Variants in SIPA1L1 observed in about 807,000 individuals in gnomAD.
SIPA1L1 encodes the protein signal induced proliferation associated 1 like 1.
Under a neutral mutation model 162.7 loss-of-function variants are expected in SIPA1L1, and 26 were observed. The ratio of observed to expected loss-of-function variants is 0.16; its 90% CI spans 0.12 to 0.22. The LOEUF is 0.22. SIPA1L1 is among the 10% of genes least tolerant of loss of function. The pLI is 1.00. For synonymous variants in SIPA1L1, 829 were observed against 837.4 expected, an observed-to-expected ratio of 0.99 and a Z score of 0.17; for missense variants, 1,874 against 2,241.0, an observed-to-expected ratio of 0.84 and a Z score of 3.31.
At chr14:71,672,834 A>G (rs942810589) in intron 12 of SIPA1L1, among the ~76,000 whole-genome samples, 1 of 152,226 alleles carries the variant, frequency 6.6e-6, no homozygotes, top group African/African-American at 2.4e-5. Context: ...AAATGGGACC[A>G]TTCCCAGGAT....
At chr14:71,323,451 C>G (rs1594805130) in intron 2 of SIPA1L1, among the ~76,000 whole-genome samples, 1 of 152,022 alleles carries the variant, frequency 6.6e-6, no homozygotes. Context: ...CAGTCCTTAC[C>G]GTTGTATTAT....
intron 2 of SIPA1L1, among the ~76,000 whole-genome samples, chr14:71,500,947 G>A (rs1002600200): frequency 2.6e-5 from 4 of 152,138 alleles, no homozygotes; most frequent in Non-Finnish European, 5.9e-5. Context: ...CAGAGGTTGC[G>A]GTGACCCGAG....
At position 71,406,271 on chromosome 14, in the gene SIPA1L1, T is replaced by C. The variant is rs147540668; in HGVS notation, c.-465+85090T>C. ...AACTAACCTATAAAAATTTCTGATA[T>C]GCTGTATATATTGCAAGGTTATAAT... On this transcript the variant is annotated intron_variant, in intron 2 of 23. Coordinates refer to ENST00000381232, the MANE Select transcript of SIPA1L1 (RefSeq NM_001386936.1). Among the ~76,000 whole-genome samples the C allele has an allele frequency of 2.1e-4, 32 of 152,360 alleles. No individual in the cohort carries two copies. In the East Asian group the frequency reaches 2.5e-3, roughly 12 times the overall value.
intron 12 of SIPA1L1, among the ~76,000 whole-genome samples, chr14:71,674,569 TG>T (rs147452020): frequency 8.9e-4 from 133 of 149,774 alleles, no homozygotes; most frequent in African/African-American, 3.2e-3. Context: ...TGTTTTTTTT[TG>T]TTTTTTTTTT....
At chr14:71,393,926 T>C (rs1458036312) in intron 2 of SIPA1L1, among the ~76,000 whole-genome samples, 1 of 152,230 alleles carries the variant, frequency 6.6e-6, no homozygotes, top group Non-Finnish European at 1.5e-5. Flanking sequence ...ACAGAATTTT[T>C]TGAATATTGA....
intron 2 of SIPA1L1, chr14:71,401,048 ATGGGGTCAT>A (rs1341043923): frequency 5.9e-5 from 9 of 152,332 alleles, no homozygotes; most frequent in Admixed American, 6.5e-5. Context: ...TGAGCATGAT[ATGGGGTCAT>A]TGAGCAAAAT....
chr14:71,630,090 C>A, intron 7 of SIPA1L1, among the ~76,000 whole-genome samples: 1 of 152,216 alleles, frequency 6.6e-6, no homozygotes, highest in East Asian at 1.9e-4. Context: ...GAAGCTTTGG[C>A]AGAACAATTG....
At chr14:71,711,719 A>G (rs993339563) in intron 17 of SIPA1L1, among the ~76,000 whole-genome samples, 2 of 152,210 alleles carry the variant, frequency 1.3e-5, no homozygotes, top group South Asian at 2.1e-4. Flanking sequence ...CATTATCTGA[A>G]TGTGCTGACT....
intron 2 of SIPA1L1, among the ~76,000 whole-genome samples, chr14:71,436,566 ATGTTTGTTGTATC>A: frequency 6.6e-6 from 1 of 152,162 alleles, no homozygotes; most frequent in East Asian, 1.9e-4. Flanking sequence ...TCTTTTTAGA[ATGTTTGTTGTATC>A]CATTGATTTG....
chr14:71,504,158 A>T (rs1207067251), intron 2 of SIPA1L1, among the ~76,000 whole-genome samples: 1 of 150,060 alleles, frequency 6.7e-6, no homozygotes, highest in Non-Finnish European at 1.5e-5. Flanking sequence ...CTTGTTCAAT[A>T]AAAAAAAAAT....
chr14:71,359,393 G>A (rs1329210841), intron 2 of SIPA1L1, among the ~76,000 whole-genome samples: 1 of 152,090 alleles, frequency 6.6e-6, no homozygotes, highest in Non-Finnish European at 1.5e-5. Flanking sequence ...GTCATTATTA[G>A]CAGCATGAGA....
Position 71,740,532 on chromosome 14 carries a change from G to A in SIPA1L1, c.*1371G>A, listed in dbSNP as rs2085677001. 1 of 152,152 alleles carries A rather than the reference G, an allele frequency of 6.6e-6. No homozygotes were observed. The highest frequency in any genetic ancestry group is 1.5e-5 in the Non-Finnish European group (1 of 68,038). 9.4% of individuals were successfully genotyped at this position (152,152 alleles called of 1,614,324 possible). A position where few individuals can be genotyped will look rare whatever the true frequency, so the allele number is the denominator to read the frequency against. ...TTTCAGTGGCAACTCTGGTCTAAGG[G>A]AACATTCAGCACTCTAGCGGCATCT... On this transcript the variant is annotated 3_prime_UTR_variant, in exon 24 of 24. Coordinates refer to ENST00000381232, the MANE Select transcript of SIPA1L1 (RefSeq NM_001386936.1).
At chr14:71,689,316 A>G (rs928135169) in intron 13 of SIPA1L1, among the ~76,000 whole-genome samples, 1 of 152,228 alleles carries the variant, frequency 6.6e-6, no homozygotes, top group East Asian at 1.9e-4. Flanking sequence ...GTTTAAATAT[A>G]TGAGTTTTAT....
At chr14:71,542,509 C>A (rs2054525227) in intron 4 of SIPA1L1, among the ~76,000 whole-genome samples, 3 of 149,914 alleles carry the variant, frequency 2.0e-5, no homozygotes, top group Admixed American at 2.0e-4. Context: ...CCTCGTCGTC[C>A]TTCCTCTTCC....
intron 5 of SIPA1L1, among the ~76,000 whole-genome samples, chr14:71,592,676 C>T (rs774176520): frequency 5.9e-5 from 9 of 152,146 alleles, no homozygotes; most frequent in Non-Finnish European, 8.8e-5. Flanking sequence ...GTATGCTATA[C>T]AGCTGATATT....
chr14:71,502,166 A>G (rs2050273938), intron 2 of SIPA1L1, among the ~76,000 whole-genome samples: 1 of 145,968 alleles, frequency 6.9e-6, no homozygotes, highest in African/African-American at 2.5e-5. Flanking sequence ...GTTCTTAAAA[A>G]CCATTTTACC....
At chr14:71,602,947 A>G (rs2036962472) in intron 5 of SIPA1L1, among the ~76,000 whole-genome samples, 1 of 152,182 alleles carries the variant, frequency 6.6e-6, no homozygotes, top group African/African-American at 2.4e-5. Context: ...TGGTGCCAAA[A>G]AGGTTGGGGA....
chr14:71,440,994 A>T (rs536128425), intron 2 of SIPA1L1, among the ~76,000 whole-genome samples: 1 of 152,354 alleles, frequency 6.6e-6, no homozygotes, highest in African/African-American at 2.4e-5. Context: ...TTTAAAAGAT[A>T]TCACTAAGGA....
intron 5 of SIPA1L1, among the ~76,000 whole-genome samples, chr14:71,606,929 A>T (rs1487039759): frequency 6.6e-6 from 1 of 151,750 alleles, no homozygotes; most frequent in East Asian, 1.9e-4. Flanking sequence ...CAGAAGAAAA[A>T]AATAAAAACA....
Sources: allele counts gnomAD v4.1 joint callset (sites outside exome capture counted in the v4.1 genomes callset), GRCh38; gene constraint gnomAD v4.1.1; transcripts MANE v1.5; gene names NCBI Gene and HGNC (gene_info 2026-07-23, HGNC 2026-07-21).